Variants in PLG observed in about 807,000 individuals in gnomAD.
The protein encoded by PLG is plasmin.
In PLG, 41 loss-of-function variants were observed where a neutral mutation model predicts 104.4. The ratio of observed to expected loss-of-function variants is 0.39; its 90% confidence interval spans 0.31 to 0.51. The LOEUF is 0.51. Among genes scored for constraint, PLG ranks in the 20% least tolerant of loss-of-function variants. The pLI is 0.76. For missense variants in PLG, 891 were observed against 1,003.6 expected (o/e 0.89, Z 1.52); for synonymous variants, 337 against 357.1 (o/e 0.94, Z 0.63).
At position 160,744,551 on chromosome 6, in the gene PLG, T is replaced by G. The variant is rs1466726822; in HGVS notation, c.2125+3134T>G. 6.6e-6 allele frequency among the ~76,000 whole-genome samples: 1 copy of G among 152,194 alleles called. No homozygotes were observed. The highest frequency in any genetic ancestry group is 1.5e-5 in the Non-Finnish European group (1 of 68,030). On this transcript the variant is annotated intron_variant, in intron 17 of 18. Coordinates refer to ENST00000308192, the MANE Select transcript of PLG (RefSeq NM_000301.5). The surrounding 1 kb of genome is among the most constrained non-coding windows in gnomAD (Gnocchi z 4.5). ...TGTGTTTATTTTGGTCTTATCTTCC[T>G]TTTCTTCATTAGCCTAGCTAGCAGC... is the stretch of plus-strand genomic sequence containing the variant.
intron 10 of PLG, among the ~76,000 whole-genome samples, chr6:160,730,189 A>G (rs922023562): frequency 1.3e-5 from 2 of 152,158 alleles, no homozygotes; most frequent in African/African-American, 4.8e-5. Flanking sequence ...TGCTTTGACT[A>G]TTACTCCGTT....
intron 7 of PLG, among the ~76,000 whole-genome samples, 168 bp from the exon 8 acceptor site, chr6:160,718,126 C>T (rs1294403514): frequency 6.6e-6 from 1 of 152,190 alleles, no homozygotes; most frequent in Non-Finnish European, 1.5e-5. Flanking sequence ...GTGACACGCA[C>T]CTGTAGTCTG....
At chr6:160,709,522 A>T (rs1312372309) in intron 3 of PLG, among the ~76,000 whole-genome samples, 2 of 152,156 alleles carry the variant, frequency 1.3e-5, no homozygotes, top group Non-Finnish European at 2.9e-5. Context: ...TTGGCTTGCT[A>T]AACTTTTCTA....
At chr6:160,715,479 G>A (rs1777713076) in intron 6 of PLG, among the ~76,000 whole-genome samples, 1 of 152,126 alleles carries the variant, frequency 6.6e-6, no homozygotes, top group South Asian at 2.1e-4. Context: ...TCTCTAAGGG[G>A]ACCACGAATT....
intron 17 of PLG, among the ~76,000 whole-genome samples, chr6:160,742,579 T>C (rs567337791): frequency 6.6e-6 from 1 of 152,238 alleles, no homozygotes; most frequent in South Asian, 2.1e-4. Flanking sequence ...TTTGCAAATA[T>C]TTTCTCCTGT....
intron 3 of PLG, chr6:160,708,155 C>A: frequency 4.2e-6 from 1 of 235,326 alleles, no homozygotes; most frequent in Non-Finnish European, 8.4e-6. Context: ...TCTTATTCTG[C>A]AGGGTGACCA....
In PLG at chr6:160,735,868, G is replaced by T. The variant is rs1778076875; in HGVS notation, c.1682-1019G>T. On this transcript the variant is annotated intron_variant, in intron 13 of 18. Coordinates refer to ENST00000308192, the MANE Select transcript of PLG (RefSeq NM_000301.5). This position sits in a 1 kb window ranked among gnomAD's most constrained non-coding sequence, Gnocchi z 5.4. ...AATTGAGCTCAGCACTAGAGAAGATGATTGCATTCTATGCCTTGCTTCTTT... is the reference window on the plus strand; with the variant it reads ...AATTGAGCTCAGCACTAGAGAAGATTATTGCATTCTATGCCTTGCTTCTTT... 6.6e-6 allele frequency among the ~76,000 whole-genome samples: 1 copy of T among 152,132 alleles called. No homozygotes were observed. Among genetic ancestry groups the T allele is most frequent in the South Asian group, 2.1e-4 (1 of 4,834 alleles).
At chr6:160,708,669 G>A (rs936501795) in intron 3 of PLG, 24 of 152,144 alleles carry the variant, frequency 1.6e-4, no homozygotes, top group African/African-American at 5.8e-4. Flanking sequence ...AAGAGGACTG[G>A]AAACACCTTA....
At chr6:160,706,951 TAA>T (rs370504830) in intron 2 of PLG, among the ~76,000 whole-genome samples, 4 of 142,304 alleles carry the variant, frequency 2.8e-5, no homozygotes, top group African/African-American at 5.2e-5. Flanking sequence ...GATATAATGT[TAA>T]AAAAAAAAAA....
intron 10 of PLG, among the ~76,000 whole-genome samples, chr6:160,727,177 G>T (rs1777933502): frequency 6.6e-6 from 1 of 151,544 alleles, no homozygotes; most frequent in Admixed American, 6.6e-5. Context: ...CAATAACCTA[G>T]ATAATATGGA....
rs1442090746 is a variant in PLG, at chr6:160,747,833, G to T, written c.2126-4282G>T. On this transcript the variant is annotated intron_variant, in intron 17 of 18. Coordinates refer to ENST00000308192, the MANE Select transcript of PLG (RefSeq NM_000301.5). The stretch of plus-strand genomic sequence containing the variant: ...GGAGGAACACCTATGGGTGTGCCAG[G>T]CTGCTCCCAGTGTTTTGCATTTTTA... Among the ~76,000 whole-genome samples, 3 of 152,188 alleles carry T rather than the reference G, an allele frequency of 2.0e-5. No individual in the cohort carries two copies. In the East Asian group the frequency reaches 5.8e-4, roughly 29 times the overall value.
At chr6:160,718,663 A>C (rs752244894) in intron 8 of PLG, 30 bp from the exon 9 acceptor site, 4 of 1,612,686 alleles carry the variant, frequency 2.5e-6, no homozygotes, top group Non-Finnish European at 3.4e-6. Flanking sequence ...TCTTTTTGGA[A>C]AGCTAAACTC....
At position 160,731,604 on chromosome 6, in the gene PLG, T is replaced by C. The variant is rs2115173884; in HGVS notation, c.1439-141T>C. ...AATTTCTTAAGGTAGGCAGCGTTCATTGCAGTCTTCAGCATTGCAGTTTCT... is the reference window on the plus strand; with the variant it reads ...AATTTCTTAAGGTAGGCAGCGTTCACTGCAGTCTTCAGCATTGCAGTTTCT... On this transcript the variant is annotated intron_variant, in intron 11 of 18. Transcript: ENST00000308192. The surrounding 1 kb of genome is among the most constrained non-coding windows in gnomAD (Gnocchi z 5.1). 4 of 803,596 alleles carry C rather than the reference T, an allele frequency of 5.0e-6. No homozygotes were observed. The highest frequency in any genetic ancestry group is 5.0e-5 in the East Asian group (2 of 39,830). The allele number at this position is 803,596 out of a possible 1,614,324, so 49.8% of individuals were successfully genotyped here.
rs766570209 is a variant in PLG at position 160,752,935 on chromosome 6, G to A, written c.2307G>A (p.Lys769=). 2 of 1,613,512 alleles carry A rather than the reference G, an allele frequency of 1.2e-6. No individual in the cohort carries two copies. The highest frequency in any genetic ancestry group is 2.7e-5 in the African/African-American group (2 of 74,862). The part of the protein sequence containing the change: ...DSGGPLVCFE[K]DKYILQGVTS... ...GAGGTCCTCTGGTTTGCTTCGAGAAGGACAAATACATTTTACAAGGAGTCA... is the reference window on the plus strand; with the variant it reads ...GAGGTCCTCTGGTTTGCTTCGAGAAAGACAAATACATTTTACAAGGAGTCA... Residue 769 remains lysine (K), a synonymous_variant, in exon 19 of 19, where the codon AAG becomes AAA. Transcript: ENST00000308192. This position sits in a 1 kb window ranked among gnomAD's most constrained non-coding sequence, Gnocchi z 4.7.
rs1205887125 is a variant in PLG at position 160,725,611 on chromosome 6, A to G, written c.1256+3044A>G. 6.6e-6 allele frequency among the ~76,000 whole-genome samples: 1 copy of G among 152,174 alleles called. No homozygotes were observed. The highest frequency in any genetic ancestry group is 1.9e-4 in the East Asian group (1 of 5,200). On this transcript the variant is annotated intron_variant, in intron 10 of 18. Transcript: ENST00000308192. The surrounding 1 kb of genome is among the most constrained non-coding windows in gnomAD (Gnocchi z 6.3). ...TTAAACTGAACTGAAAATATATTTA[A>G]TATACTCCTAAGCATATTAAATATA...
rs1777630857 is a variant in PLG at position 160,711,039 on chromosome 6, T to C, written c.293-38T>C. ...CTGTGCAGACCTTCATGTGGTGTCT[T>C]GTGAAAGACTTTGACCACTGTGTGG... On this transcript the variant is annotated intron_variant, in intron 3 of 18. Coordinates refer to ENST00000308192, the MANE Select transcript of PLG (RefSeq NM_000301.5). The C allele has an allele frequency of 4.4e-6, 7 of 1,608,396 alleles. No homozygotes were observed. In the East Asian group the frequency reaches 1.6e-4, roughly 36 times the overall value.
rs1267215266 is a variant in PLG at position 160,735,630 on chromosome 6, G to T, written c.1682-1257G>T. On this transcript the variant is annotated intron_variant, in intron 13 of 18. Transcript: ENST00000308192. The surrounding 1 kb of genome is among the most constrained non-coding windows in gnomAD (Gnocchi z 5.4). ...AGAAGGATATGGTTTATTCAGGTTTGACTCGTGCTTGAGAAAGCTAGAGCC... is the reference window on the plus strand; with the variant it reads ...AGAAGGATATGGTTTATTCAGGTTTTACTCGTGCTTGAGAAAGCTAGAGCC... Among the ~76,000 whole-genome samples the T allele has an allele frequency of 6.6e-6, 1 of 152,192 alleles. No individual in the cohort carries two copies. Among genetic ancestry groups the T allele is most frequent in the Non-Finnish European group, 1.5e-5 (1 of 68,032 alleles).
chr6:160,748,981 A>G (rs1171219191), intron 17 of PLG, among the ~76,000 whole-genome samples: 1 of 152,230 alleles, frequency 6.6e-6, no homozygotes, highest in Non-Finnish European at 1.5e-5. Flanking sequence ...ACGCAGGACC[A>G]CACTCATACC....
Position 160,731,829 on chromosome 6 carries a change from A to G in PLG, c.1523A>G (p.Gln508Arg), listed in dbSNP as rs1778004701. Residue 508 changes from glutamine to arginine, a missense_variant, in exon 12 of 19, where the codon CAG becomes CGG. This residue lies in a region of PLG where 854 missense variants were observed against 932.1 expected (regional missense o/e 0.92). Transcript: ENST00000308192. The surrounding 1 kb of genome is among the most constrained non-coding windows in gnomAD (Gnocchi z 5.1). Reference sequence around the variant, plus strand: ...ACGCCATGCCAGGACTGGGCTGCCCAGGAGCCCCATAGACACAGCATTTTC... The same window carrying G: ...ACGCCATGCCAGGACTGGGCTGCCCGGGAGCCCCATAGACACAGCATTTTC... The part of the protein sequence containing the change: ...TGTPCQDWAA[Q>R]EPHRHSIFTP... 1 of 1,613,894 alleles carries G rather than the reference A, an allele frequency of 6.2e-7. No homozygotes were observed. The highest frequency in any genetic ancestry group is 8.5e-7 in the Non-Finnish European group (1 of 1,179,870).
Sources: allele counts gnomAD v4.1 joint callset (sites outside exome capture counted in the v4.1 genomes callset), GRCh38; gene constraint gnomAD v4.1.1; regional missense constraint gnomAD v4.1.1; non-coding constraint Gnocchi (gnomAD v3.1); transcripts MANE v1.5; gene names NCBI Gene and HGNC (gene_info 2026-07-23, HGNC 2026-07-21).